Variants in SLC24A2 observed in about 807,000 individuals in gnomAD.
SLC24A2 encodes solute carrier family 24 member 2, also known as sodium/potassium/calcium exchanger 2.
Under a neutral mutation model 62.0 loss-of-function variants are expected in SLC24A2, and 36 were observed. That is an observed-to-expected ratio of 0.58 (90% CI 0.44 to 0.77). The LOEUF is 0.77. Among genes scored for constraint, SLC24A2 ranks in the 30% least tolerant of loss-of-function variants. SLC24A2 has a pLI of 0.00. For missense variants in SLC24A2, 846 were observed against 817.9 expected, an observed-to-expected ratio of 1.03 and a Z score of -0.42; for synonymous variants, 358 against 294.0, an observed-to-expected ratio of 1.22 and a Z score of -2.23.
the SLC24A2 span, among the ~76,000 whole-genome samples, chr9:20,176,037 A>G: frequency 6.6e-6 from 1 of 152,070 alleles, no homozygotes; most frequent in African/African-American, 2.4e-5. Context: ...TGAGAGAGAA[A>G]TAGAGAGGTA....
the SLC24A2 span, among the ~76,000 whole-genome samples, chr9:20,285,365 G>A: frequency 6.6e-6 from 1 of 152,242 alleles, no homozygotes; most frequent in Non-Finnish European, 1.5e-5. Context: ...GATATGCAGA[G>A]TGAATCGGCA....
At chr9:19,953,950 G>A in the SLC24A2 span, among the ~76,000 whole-genome samples, 4 of 151,300 alleles carry the variant, frequency 2.6e-5, no homozygotes, top group Middle Eastern at 3.4e-3. Flanking sequence ...TATTGATATT[G>A]AATATCTCTA....
chr9:19,873,128 C>G, the SLC24A2 span, among the ~76,000 whole-genome samples: 98,075 of 151,938 alleles, frequency 0.65, 31,893 homozygotes, highest in Non-Finnish European at 0.66. Flanking sequence ...AAAGGATTAT[C>G]AAATCAGGTT....
chr9:19,640,992 T>C (rs116707944), intron 2 of SLC24A2, among the ~76,000 whole-genome samples: 1,527 of 152,352 alleles, frequency 0.01, 30 homozygotes, highest in African/African-American at 0.035. Flanking sequence ...ATTTAAGTTA[T>C]ACAAGTGGGC....
the SLC24A2 span, among the ~76,000 whole-genome samples, chr9:19,923,828 A>G: frequency 4.6e-5 from 7 of 152,108 alleles, no homozygotes; most frequent in Non-Finnish European, 1.0e-4. Flanking sequence ...GCTCATTGCA[A>G]TCTCCGCCTC....
rs575488104 is a variant in SLC24A2 at position 19,654,132 on chromosome 9, A to G, written c.931-31833T>C. On this transcript the variant is annotated intron_variant, in intron 2 of 10. Coordinates refer to ENST00000341998, the MANE Select transcript of SLC24A2 (RefSeq NM_020344.4). Reference sequence around the variant, plus strand: ...CCATTGATCCACTTTTGGTTATTACAGTGTTGCCTTTTCAAGACTTTCATA... The same window carrying G: ...CCATTGATCCACTTTTGGTTATTACGGTGTTGCCTTTTCAAGACTTTCATA... Among the ~76,000 whole-genome samples the G allele has an allele frequency of 5.3e-4, 81 of 152,314 alleles. 1 individual carries two copies. The South Asian group carries it at 0.015, about 28-fold the overall frequency.
the SLC24A2 span, among the ~76,000 whole-genome samples, chr9:19,846,784 T>C: frequency 6.6e-6 from 1 of 152,104 alleles, no homozygotes; most frequent in Non-Finnish European, 1.5e-5. Flanking sequence ...CCCAGCACTT[T>C]GGGAGGCTGA....
chr9:20,180,715 T>G, the SLC24A2 span, among the ~76,000 whole-genome samples: 2 of 152,200 alleles, frequency 1.3e-5, no homozygotes, highest in African/African-American at 4.8e-5. Context: ...TAACCTGTGC[T>G]TTTCCTACAT....
chr9:20,115,556 C>G, the SLC24A2 span, among the ~76,000 whole-genome samples: 1 of 152,090 alleles, frequency 6.6e-6, no homozygotes, highest in African/African-American at 2.4e-5. Context: ...CCCAACAATG[C>G]CTGTACAATG....
At chr9:19,923,873 G>A in the SLC24A2 span, among the ~76,000 whole-genome samples, 3 of 152,080 alleles carry the variant, frequency 2.0e-5, no homozygotes, top group South Asian at 2.1e-4. Context: ...TCAGCCTCCC[G>A]AGTAGCTGGG....
chr9:20,003,347 G>C, the SLC24A2 span, among the ~76,000 whole-genome samples: 1 of 152,152 alleles, frequency 6.6e-6, no homozygotes, highest in Non-Finnish European at 1.5e-5. Context: ...TGTCGATATG[G>C]TGAGCATGCT....
the SLC24A2 span, among the ~76,000 whole-genome samples, chr9:19,898,741 C>CAA: frequency 2.1e-3 from 202 of 97,126 alleles, no homozygotes; most frequent in African/African-American, 4.7e-3. Context: ...GACTCCATCT[C>CAA]AAAAAAAAAA....
the SLC24A2 span, among the ~76,000 whole-genome samples, chr9:20,266,288 G>A: frequency 2.0e-5 from 3 of 152,162 alleles, no homozygotes; most frequent in Non-Finnish European, 2.9e-5. Flanking sequence ...GTCTCCCCCG[G>A]ACACCCAGCT....
the SLC24A2 span, among the ~76,000 whole-genome samples, chr9:19,964,058 T>G: frequency 6.6e-6 from 1 of 151,996 alleles, no homozygotes; most frequent in Non-Finnish European, 1.5e-5. Context: ...GATGAGTTCA[T>G]GTCCTTTGTA....
At chr9:19,816,579 G>A in the SLC24A2 span, among the ~76,000 whole-genome samples, 128,526 of 152,012 alleles carry the variant, frequency 0.85, 55,381 homozygotes, top group Non-Finnish European at 0.94. Flanking sequence ...AAGAAAAGAG[G>A]TTTAATTGGC....
intron 2 of SLC24A2, among the ~76,000 whole-genome samples, chr9:19,657,493 T>C (rs1818974514): frequency 6.6e-6 from 1 of 152,052 alleles, no homozygotes; most frequent in South Asian, 2.1e-4. Flanking sequence ...TCATCTAGGT[T>C]TTAAGCCCCG....
the SLC24A2 span, among the ~76,000 whole-genome samples, chr9:20,246,650 A>G: frequency 7.2e-5 from 11 of 152,378 alleles, no homozygotes; most frequent in African/African-American, 2.6e-4. Flanking sequence ...GAAAAGAGGG[A>G]AAAAATTCAA....
At chr9:19,726,765 T>C (rs890582427) in intron 2 of SLC24A2, among the ~76,000 whole-genome samples, 1 of 152,208 alleles carries the variant, frequency 6.6e-6, no homozygotes, top group African/African-American at 2.4e-5. Context: ...AACTGTTCTA[T>C]AGAATATTTT....
chr9:20,168,705 C>A, the SLC24A2 span, among the ~76,000 whole-genome samples: 2 of 151,948 alleles, frequency 1.3e-5, no homozygotes, highest in Non-Finnish European at 2.9e-5. Context: ...GGTAAAATAA[C>A]AAGTGCTGGC....
Sources: allele counts gnomAD v4.1 joint callset (sites outside exome capture counted in the v4.1 genomes callset), GRCh38; gene constraint gnomAD v4.1.1; transcripts MANE v1.5; gene names NCBI Gene and HGNC (gene_info 2026-07-23, HGNC 2026-07-21).